The following MROH2A variants were observed in gnomAD, a reference collection of about 807,000 sequenced individuals.
MROH2A encodes maestro heat like repeat family member 2A.
Under a neutral mutation model 200.4 loss-of-function variants are expected in MROH2A, and 174 were observed. The ratio of observed to expected loss-of-function variants is 0.87; its 90% CI spans 0.77 to 0.98. The LOEUF (loss-of-function observed/expected upper bound fraction) is 0.98. MROH2A is among the 50% of genes least tolerant of loss of function. The pLI is 0.00. For synonymous variants in MROH2A, 829 were observed against 840.4 expected (o/e 0.99, Z 0.23); for missense variants, 2,045 against 2,139.6 (o/e 0.96, Z 0.87).
chr2:233,801,114 C>G (rs116306868), intron 14 of MROH2A, among the ~76,000 whole-genome samples: 258 of 152,316 alleles, frequency 1.7e-3, no homozygotes, highest in Non-Finnish European at 2.8e-3. Flanking sequence ...GATGAAGAAA[C>G]AGACCCAGAG....
chr2:233,788,167 ATACATATATTATATAT>A (rs1158408694), intron 3 of MROH2A, among the ~76,000 whole-genome samples: 102 of 120,698 alleles, frequency 8.5e-4, no homozygotes, highest in Admixed American at 1.4e-3. Flanking sequence ...ATATATACAT[ATACATATATTATATAT>A]ATACACACAC....
At chr2:233,780,980 CAT>C (rs1700930449) in intron 3 of MROH2A, among the ~76,000 whole-genome samples, 1 of 152,276 alleles carries the variant, frequency 6.6e-6, no homozygotes, top group Non-Finnish European at 1.5e-5. Flanking sequence ...TGAGTGAGAA[CAT>C]GTGGTATTTA....
rs909129249 is a variant in MROH2A, at chr2:233,798,746, T to C, written c.1253-28T>C. On this transcript the variant is annotated intron_variant, in intron 11 of 41. Transcript: ENST00000389758. ...CTGACCTCTCCCTGAGCCACAGCCC[T>C]CCAGCCCACCCAGTTTTCCTCTTTC... 2.4e-5 allele frequency: 37 copies of C among 1,537,078 alleles called. No homozygotes were observed. In the African/African-American group the frequency reaches 4.1e-4, roughly 17 times the overall value.
intron 22 of MROH2A, among the ~76,000 whole-genome samples, chr2:233,810,351 A>G (rs912307657): frequency 2.6e-5 from 4 of 152,242 alleles, no homozygotes; most frequent in Non-Finnish European, 4.4e-5. Flanking sequence ...CAGCAAGAGA[A>G]AAATGAGGAA....
At chr2:233,787,752 T>G (rs868800244) in intron 3 of MROH2A, among the ~76,000 whole-genome samples, 3 of 38,836 alleles carry the variant, frequency 7.7e-5, no homozygotes, top group African/African-American at 3.3e-4. Flanking sequence ...TTATATATAT[T>G]ATATATATCA....
rs1033565095 is a variant in MROH2A at position 233,814,513 on chromosome 2, C to T, written c.2761-69C>T. ...CTGCCAGACCCCTCCCTGGCATGAA[C>T]TCCCTGCAGGGAGGGGGGTTGTGGG... On this transcript the variant is annotated intron_variant, in intron 25 of 41. Coordinates refer to ENST00000389758, the MANE Select transcript of MROH2A (RefSeq NM_001394639.1). 6 of 1,132,010 alleles carry T rather than the reference C, an allele frequency of 5.3e-6. No individual in the cohort carries two copies. In the African/African-American group the frequency reaches 7.7e-5, roughly 15 times the overall value. The allele number at this position is 1,132,010 out of a possible 1,614,324, so 70.1% of individuals were successfully genotyped here.
At chr2:233,832,379 G>A in intron 40 of MROH2A, 100 bp downstream of exon 40, 1 of 1,055,824 alleles carries the variant, frequency 9.5e-7, no homozygotes, top group Non-Finnish European at 1.4e-6. Flanking sequence ...GGAGGCATGT[G>A]GCAAGCTGAG....
chr2:233,822,779 G>C (rs368143142), intron 33 of MROH2A, 102 bp from the exon 34 acceptor site: 1 of 1,420,992 alleles, frequency 7.0e-7, no homozygotes, highest in Non-Finnish European at 9.5e-7. Context: ...CCTTGGGCTG[G>C]GCCCGGCAGG....
rs945677091 is a variant in MROH2A, at chr2:233,793,737, C to T, written c.735C>T (p.Pro245=). ...YLKHLEESVY[P]VMTEEEFALK... ...AGCACCTGGAGGAGAGCGTGTACCC[C>T]GTGATGACTGAGGAGGAGTTTGCCC... The change falls in exon 7 of 42, where the codon CCC becomes CCT. Residue 245 remains proline, a synonymous_variant. Coordinates refer to ENST00000389758, the MANE Select transcript of MROH2A (RefSeq NM_001394639.1). 15 of 1,497,502 alleles carry T rather than the reference C, an allele frequency of 1.0e-5. No homozygotes were observed. The highest frequency in any genetic ancestry group is 2.7e-5 in the South Asian group (2 of 75,336). 92.8% of individuals were successfully genotyped at this position (1,497,502 alleles called of 1,614,324 possible).
intron 26 of MROH2A, among the ~76,000 whole-genome samples, chr2:233,816,218 G>A (rs1283910405): frequency 1.3e-5 from 2 of 152,158 alleles, no homozygotes; most frequent in Non-Finnish European, 2.9e-5. Context: ...TATTTTTCAG[G>A]TTTTCTGTCT....
chr2:233,822,519 C>T lies in MROH2A; in HGVS notation c.3829C>T (p.His1277Tyr), dbSNP rs1027351113. ...GGTCTTGAAGATGTGGAAGCTGGTC[C>T]ACACCACTCCTCTGCCGGAGGAGAT... is the stretch of plus-strand genomic sequence containing the variant. ...PPVLKMWKLV[H>Y]TTPLPEEMNL... The change falls in exon 33 of 42, where the codon CAC becomes TAC. Residue 1277 changes from histidine (H) to tyrosine (Y), a missense_variant. Physicochemically the swap from His to Tyr is moderately conservative, Grantham distance 83. Coordinates refer to ENST00000389758, the MANE Select transcript of MROH2A (RefSeq NM_001394639.1). The T allele has an allele frequency of 3.2e-6, 5 of 1,550,390 alleles. No homozygotes were observed. The African/African-American group carries it at 4.1e-5, about 13-fold the overall frequency.
In MROH2A at chr2:233,822,384, C is replaced by T. The variant is rs1228993722; in HGVS notation, c.3694C>T (p.Leu1232Phe). The change falls in exon 33 of 42, where the codon CTC becomes TTC. Residue 1232 changes from leucine (L) to phenylalanine (F), a missense_variant. Around this residue, in one of 3 missense-constraint regions of MROH2A, gnomAD observed 1,201 missense variants for 1,311.3 expected, o/e 0.92. Transcript: ENST00000389758. ...PLMTLCTIHL[L>F]IQKLDENDKL... ...GCAGACCCTGTGCACCATCCACCTT[C>T]TCATTCAGAAGCTGGATGAGAATGA... The T allele has an allele frequency of 1.3e-6, 2 of 1,551,006 alleles. No individual in the cohort carries two copies. The highest frequency in any genetic ancestry group is 1.4e-5 in the African/African-American group (1 of 73,060).
In MROH2A at chr2:233,819,970, T is replaced by A; in HGVS notation, c.3426T>A (p.Leu1142=). The change falls in exon 31 of 42, where the codon CTT becomes CTA. Residue 1142 remains leucine, a synonymous_variant. Transcript: ENST00000389758. ...TGGACCACCCAGAGGTGCGGCGCCTTCTCATTGACGGCATCCTGCTGCTGG... is the reference window on the plus strand; with the variant it reads ...TGGACCACCCAGAGGTGCGGCGCCTACTCATTGACGGCATCCTGCTGCTGG... ...PVVDHPEVRR[L]LIDGILLLAH... 6.5e-7 allele frequency: 1 copy of A among 1,546,706 alleles called. No individual in the cohort carries two copies. Among genetic ancestry groups the A allele is most frequent in the Non-Finnish European group, 8.7e-7 (1 of 1,144,232 alleles).
intron 14 of MROH2A, among the ~76,000 whole-genome samples, chr2:233,800,618 CGTGTGTGTGTGTATGTGTGTGT>C (rs1365800569): frequency 8.3e-6 from 1 of 120,846 alleles, no homozygotes; most frequent in Non-Finnish European, 1.7e-5. Flanking sequence ...CTTTAAGGCC[CGTGTGTGTGTGTATGTGTGTGT>C]GTGTGTGTGT....
intron 2 of MROH2A, 74 bp downstream of exon 2, chr2:233,779,526 A>T: frequency 7.1e-7 from 1 of 1,406,722 alleles, no homozygotes; most frequent in South Asian, 1.2e-5. Context: ...GCCCCAGCCT[A>T]GGTCTCCCTT....
At chr2:233,809,045 G>C (rs1702984867) in intron 21 of MROH2A, 81 bp from the exon 22 acceptor site, 1 of 1,459,836 alleles carries the variant, frequency 6.9e-7, no homozygotes, top group African/African-American at 1.4e-5. Context: ...GGATCCTTTG[G>C]TTGTGTGGCC....
At chr2:233,796,511 AC>A (rs1438454771) in intron 11 of MROH2A, among the ~76,000 whole-genome samples, 198 bp downstream of exon 11, 2 of 151,946 alleles carry the variant, frequency 1.3e-5, no homozygotes, top group African/African-American at 4.8e-5. Context: ...CCCTCCCCAC[AC>A]CCAACCCTCT....
At chr2:233,777,595 G>A (rs188325673), upstream of MROH2A, among the ~76,000 whole-genome samples, 6 of 152,366 alleles carry the variant, frequency 3.9e-5, no homozygotes, top group African/African-American at 1.4e-4. Flanking sequence ...GTAGAAAGAG[G>A]CTGGTCCTGA....
chr2:233,807,273 CT>C lies in MROH2A; in HGVS notation c.2053-148del, dbSNP rs915614357. 63 of 864,652 alleles carry C rather than the reference CT, an allele frequency of 7.3e-5. No individual in the cohort carries two copies. Among genetic ancestry groups the C allele is most frequent in the Non-Finnish European group, 1.0e-4 (61 of 591,450 alleles). The allele number at this position is 864,652 out of a possible 1,614,324, so 53.6% of individuals were successfully genotyped here. Reference sequence around the variant, plus strand: ...TTTGGGCTGCTTCCACATTTTTGCACTTGTGAATTGTGCTGCTGTAAACGTG... The same window carrying C: ...TTTGGGCTGCTTCCACATTTTTGCACTGTGAATTGTGCTGCTGTAAACGTG... On this transcript the variant is annotated intron_variant, in intron 19 of 41. Transcript: ENST00000389758. The surrounding 1 kb of genome is among the most constrained non-coding windows in gnomAD (Gnocchi z 4.3).
Sources: allele counts gnomAD v4.1 joint callset (sites outside exome capture counted in the v4.1 genomes callset), GRCh38; gene constraint gnomAD v4.1.1; regional missense constraint gnomAD v4.1.1; non-coding constraint Gnocchi (gnomAD v3.1); transcripts MANE v1.5; gene names NCBI Gene and HGNC (gene_info 2026-07-23, HGNC 2026-07-21).